LIN7A: variants seen among roughly 807,000 people sequenced by gnomAD.
The protein encoded by LIN7A is protein lin-7 homolog A.
A neutral mutation model predicts 29.8 loss-of-function variants in LIN7A; 25 were observed. That is an observed-to-expected ratio of 0.84 (90% CI 0.61 to 1.17). LIN7A has a LOEUF of 1.17. Ranked by LOEUF, LIN7A falls within the 50% of genes most tolerant of loss-of-function variation. LIN7A has a pLI of 0.00. For missense variants in LIN7A, 239 were observed against 287.0 expected, an observed-to-expected ratio of 0.83 and a Z score of 1.21; for synonymous variants, 118 against 107.5, an observed-to-expected ratio of 1.10 and a Z score of -0.60.
At chr12:80,917,486 A>G (rs997087069) in intron 1 of LIN7A, among the ~76,000 whole-genome samples, 28 of 152,182 alleles carry the variant, frequency 1.8e-4, no homozygotes, top group African/African-American at 6.5e-4. Context: ...TTAAATGAAA[A>G]TGGTGCTATT....
chr12:80,807,100 C>T (rs1371827261), intron 5 of LIN7A, among the ~76,000 whole-genome samples: 1 of 26,218 alleles, frequency 3.8e-5, no homozygotes, highest in African/African-American at 3.6e-4. Context: ...TTGACGGAGT[C>T]TCGCTCTGTC....
At chr12:80,908,228 T>G (rs1044130873) in intron 1 of LIN7A, among the ~76,000 whole-genome samples, 1 of 152,132 alleles carries the variant, frequency 6.6e-6, no homozygotes, top group African/African-American at 2.4e-5. Context: ...AATATAGACT[T>G]AGATTTAGTC....
At chr12:80,838,439 G>T (rs1872676651) in intron 4 of LIN7A, among the ~76,000 whole-genome samples, 1 of 152,168 alleles carries the variant, frequency 6.6e-6, no homozygotes, top group Non-Finnish European at 1.5e-5. Flanking sequence ...ATGAAGGGGG[G>T]TAGAATACTG....
At chr12:80,835,901 AAAG>A (rs1333229888) in intron 4 of LIN7A, among the ~76,000 whole-genome samples, 1 of 152,204 alleles carries the variant, frequency 6.6e-6, no homozygotes, top group Non-Finnish European at 1.5e-5. Flanking sequence ...TGACAGAAAA[AAAG>A]GGAAAATTGC....
chr12:80,906,922 C>T (rs947168025), intron 1 of LIN7A, among the ~76,000 whole-genome samples: 3 of 152,054 alleles, frequency 2.0e-5, no homozygotes, highest in African/African-American at 7.2e-5. Flanking sequence ...GAGGGTGTCT[C>T]AAAGATCAGA....
intron 2 of LIN7A, among the ~76,000 whole-genome samples, chr12:80,859,670 G>A (rs1328333452): frequency 6.6e-6 from 1 of 151,830 alleles, no homozygotes; most frequent in Admixed American, 6.6e-5. Flanking sequence ...CTTTTTAAAT[G>A]GATTATATTT....
At chr12:80,873,603 T>G (rs1326737888) in intron 2 of LIN7A, among the ~76,000 whole-genome samples, 1 of 152,010 alleles carries the variant, frequency 6.6e-6, no homozygotes, top group African/African-American at 2.4e-5. Flanking sequence ...TATCTTTGCA[T>G]TTAACATGAA....
At chr12:80,903,358 C>T (rs1179787886) in intron 1 of LIN7A, among the ~76,000 whole-genome samples, 2 of 151,940 alleles carry the variant, frequency 1.3e-5, no homozygotes, top group Admixed American at 6.6e-5. Flanking sequence ...TCATCACCCA[C>T]CCTCCTATCC....
chr12:80,889,948 T>TC (rs1875539023), intron 1 of LIN7A, among the ~76,000 whole-genome samples: 1 of 152,150 alleles, frequency 6.6e-6, no homozygotes, highest in African/African-American at 2.4e-5. Context: ...CAGGCCCTCG[T>TC]CATCTCCCCT....
chr12:80,845,666 T>C (rs561931155), intron 4 of LIN7A, 64 bp downstream of exon 4: 83 of 1,341,452 alleles, frequency 6.2e-5, no homozygotes, highest in Middle Eastern at 2.5e-4. Context: ...ACTTCAGTAA[T>C]AGCAGGGGGC....
At chr12:80,805,775 CA>C (rs1265740094) in intron 5 of LIN7A, among the ~76,000 whole-genome samples, 3 of 151,862 alleles carry the variant, frequency 2.0e-5, no homozygotes, top group Middle Eastern at 3.2e-3. Context: ...GGAAGGGACC[CA>C]GGGGGAGGTA....
At chr12:80,804,717 C>CT (rs1014810862) in intron 5 of LIN7A, among the ~76,000 whole-genome samples, 7 of 148,324 alleles carry the variant, frequency 4.7e-5, no homozygotes, top group East Asian at 2.0e-4. Flanking sequence ...TTTTTTTTTT[C>CT]TTTTTTTTGT....
At chr12:80,846,051 C>T in intron 3 of LIN7A, 112 bp from the exon 4 acceptor site, 2 of 883,602 alleles carry the variant, frequency 2.3e-6, no homozygotes, top group South Asian at 2.2e-5. Flanking sequence ...TTATAGTATT[C>T]TCCTGTGAAA....
intron 5 of LIN7A, among the ~76,000 whole-genome samples, chr12:80,805,625 G>C (rs927333518): frequency 6.6e-6 from 1 of 151,962 alleles, no homozygotes; most frequent in African/African-American, 2.4e-5. Context: ...TTGAGAATCT[G>C]GGTGAAATAT....
intron 2 of LIN7A, among the ~76,000 whole-genome samples, chr12:80,880,154 A>G (rs1056358137): frequency 1.3e-5 from 2 of 152,148 alleles, no homozygotes; most frequent in East Asian, 1.9e-4. Context: ...TTTCATGTCA[A>G]TGGAAAGGTC....
intron 1 of LIN7A, among the ~76,000 whole-genome samples, chr12:80,904,695 A>C (rs1295107807): frequency 6.6e-6 from 1 of 152,168 alleles, no homozygotes; most frequent in Non-Finnish European, 1.5e-5. Context: ...CTAATCCAAA[A>C]TTCTTGTGAC....
At chr12:80,802,617 G>A (rs1202069446) in intron 5 of LIN7A, among the ~76,000 whole-genome samples, 2 of 150,912 alleles carry the variant, frequency 1.3e-5, no homozygotes, top group Non-Finnish European at 1.5e-5. Flanking sequence ...TACTCCATAC[G>A]TTTGCAAACA....
At chr12:80,903,974 A>G (rs1396111773) in intron 1 of LIN7A, among the ~76,000 whole-genome samples, 7 of 152,102 alleles carry the variant, frequency 4.6e-5, no homozygotes, top group African/African-American at 1.7e-4. Flanking sequence ...TTATAGAGTA[A>G]GTATAAATCC....
chr12:80,842,150 T>A (rs1872851846), intron 4 of LIN7A: 2 of 1,280,534 alleles, frequency 1.6e-6, no homozygotes, highest in East Asian at 1.1e-4. Flanking sequence ...AAATCAATTG[T>A]TCAATTGCTG....
Sources: gnomAD v4.1 joint callset for allele counts (sites outside exome capture counted in the v4.1 genomes callset) on GRCh38, gnomAD v4.1.1 for gene constraint, MANE v1.5 for transcripts, NCBI Gene and HGNC (gene_info 2026-07-23, HGNC 2026-07-21) for gene names.